The following TAOK3 variants were observed in gnomAD, a reference collection of about 807,000 sequenced individuals.
The protein encoded by TAOK3 is serine/threonine-protein kinase TAO3.
In TAOK3, 40 loss-of-function variants were observed where a neutral mutation model predicts 120.4. The ratio of observed to expected loss-of-function variants is 0.33; its 90% confidence interval spans 0.26 to 0.43. TAOK3 has a LOEUF of 0.43. Ranked by LOEUF, TAOK3 falls within the 20% of genes least tolerant of loss-of-function variation. TAOK3 has a pLI of 1.00. For missense variants in TAOK3, 821 were observed against 1,112.1 expected (o/e 0.74, Z 3.72); for synonymous variants, 355 against 387.5 (o/e 0.92, Z 0.99).
Position 118,254,397 on chromosome 12 carries a change from A to G in TAOK3, c.120+1051T>C, listed in dbSNP as rs529447843. Among the ~76,000 whole-genome samples the G allele has an allele frequency of 3.9e-5, 6 of 152,328 alleles. No homozygotes were observed. In the South Asian group the frequency reaches 1.2e-3, roughly 32 times the overall value. On this transcript the variant is annotated intron_variant, in intron 3 of 20. Transcript: ENST00000392533. ...GGCATATACTAGTTCTTGAGTCTGT[A>G]ACGATGAACAAGATAGACATAAACC...
chr12:118,181,276 T>G lies in TAOK3; in HGVS notation c.1566+95A>C, dbSNP rs1374665542. The G allele has an allele frequency of 1.1e-5, 12 of 1,076,650 alleles. No individual in the cohort carries two copies. In the East Asian group the frequency reaches 2.4e-4, roughly 21 times the overall value. The allele number at this position is 1,076,650 out of a possible 1,614,324, so 66.7% of individuals were successfully genotyped here. ...GCCACCCCGGAAACAACAATTTTCC[T>G]CCATCCCCCACTCCTGCCTCTTGCT... On this transcript the variant is annotated intron_variant, in intron 15 of 20. Transcript: ENST00000392533.
chr12:118,195,091 T>G (rs1443544371), intron 13 of TAOK3, among the ~76,000 whole-genome samples: 1 of 152,116 alleles, frequency 6.6e-6, no homozygotes, highest in Non-Finnish European at 1.5e-5. Context: ...ACACTTATTC[T>G]GTTTTATAGA....
At chr12:118,251,366 T>A (rs1471459275) in intron 3 of TAOK3, among the ~76,000 whole-genome samples, 2 of 152,208 alleles carry the variant, frequency 1.3e-5, no homozygotes, top group African/African-American at 4.8e-5. Flanking sequence ...AGGTTAAAGC[T>A]TTTCGTAAGT....
At chr12:118,341,861 A>G (rs2044633680) in intron 1 of TAOK3, among the ~76,000 whole-genome samples, 1 of 152,138 alleles carries the variant, frequency 6.6e-6, no homozygotes, top group Non-Finnish European at 1.5e-5. Context: ...TAATGTCTAC[A>G]AAAAATTAAA....
chr12:118,298,397 G>T (rs921322739), intron 1 of TAOK3, among the ~76,000 whole-genome samples: 27 of 152,232 alleles, frequency 1.8e-4, no homozygotes, highest in African/African-American at 6.3e-4. Flanking sequence ...GAATTGCAAG[G>T]CTCAAGATGA....
intron 9 of TAOK3, among the ~76,000 whole-genome samples, chr12:118,222,756 G>A (rs1940909147): frequency 2.0e-5 from 3 of 152,044 alleles, no homozygotes; most frequent in Admixed American, 1.3e-4. Context: ...GGGATCTAAT[G>A]GACTTTGGAG....
rs142604971 is a variant in TAOK3, at chr12:118,172,920, TAAC to T, written c.1696-263_1696-261del. ...TTCACTCATTCACTCAACACAAACTTAACAAGCTCCTATCATGTGACAGGCAGT... is the reference window on the plus strand; with the variant it reads ...TTCACTCATTCACTCAACACAAACTTAAGCTCCTATCATGTGACAGGCAGT... On this transcript the variant is annotated intron_variant, in intron 16 of 20. Coordinates refer to ENST00000392533, the MANE Select transcript of TAOK3 (RefSeq NM_016281.4). Among the ~76,000 whole-genome samples the T allele has an allele frequency of 8.8e-3, 1,334 of 152,236 alleles. 12 individuals are homozygous for T. Among genetic ancestry groups the T allele is most frequent in the African/African-American group, 0.029 (1,213 of 41,534 alleles).
At chr12:118,215,759 C>G (rs532911884) in intron 9 of TAOK3, among the ~76,000 whole-genome samples, 80 of 151,990 alleles carry the variant, frequency 5.3e-4, no homozygotes, top group Admixed American at 1.6e-3. Context: ...GAGGACTTGC[C>G]CTGTTGCCCA....
intron 2 of TAOK3, among the ~76,000 whole-genome samples, chr12:118,264,034 C>A (rs2041341834): frequency 6.6e-6 from 1 of 152,204 alleles, no homozygotes; most frequent in Non-Finnish European, 1.5e-5. Context: ...CCATTGCACT[C>A]CAGCCTGGGC....
chr12:118,191,779 T>C (rs2037444735), intron 13 of TAOK3, among the ~76,000 whole-genome samples: 1 of 152,212 alleles, frequency 6.6e-6, no homozygotes. Flanking sequence ...TATTTGCTAA[T>C]AAATTTATGT....
At chr12:118,229,236 G>C (rs986129409) in intron 9 of TAOK3, among the ~76,000 whole-genome samples, 1 of 151,954 alleles carries the variant, frequency 6.6e-6, no homozygotes, top group African/African-American at 2.4e-5. Flanking sequence ...TAGTAGCTGG[G>C]ATTATAGGCG....
chr12:118,332,231 T>G (rs888124588), intron 1 of TAOK3, among the ~76,000 whole-genome samples: 18 of 152,192 alleles, frequency 1.2e-4, no homozygotes, highest in African/African-American at 4.3e-4. Context: ...ACAGATAGTC[T>G]TTATGTATTT....
chr12:118,223,550 G>T (rs1565973700), intron 9 of TAOK3, among the ~76,000 whole-genome samples: 1 of 150,992 alleles, frequency 6.6e-6, no homozygotes, highest in Non-Finnish European at 1.5e-5. Flanking sequence ...GTTTCACCAT[G>T]TTAGCCAGGA....
At chr12:118,322,942 C>A (rs1462086215) in intron 1 of TAOK3, among the ~76,000 whole-genome samples, 2 of 151,678 alleles carry the variant, frequency 1.3e-5, no homozygotes, top group African/African-American at 4.8e-5. Flanking sequence ...GAACTCTTGA[C>A]CTCAGATGAT....
At chr12:118,365,824 A>G (rs1275785051) in intron 1 of TAOK3, among the ~76,000 whole-genome samples, 2 of 152,234 alleles carry the variant, frequency 1.3e-5, no homozygotes. Context: ...CCAAGAGATG[A>G]TGGAGGCATA....
chr12:118,157,410 C>T lies in TAOK3; in HGVS notation c.2352+2736G>A, dbSNP rs189956248. On this transcript the variant is annotated intron_variant, in intron 19 of 20. Coordinates refer to ENST00000392533, the MANE Select transcript of TAOK3 (RefSeq NM_016281.4). ...CCTGAAAGCCCCTACGTGACCCAGC[C>T]TGTTTACCCCTCCAGTCTTGTTCTC... 1.3e-3 allele frequency among the ~76,000 whole-genome samples: 199 copies of T among 152,336 alleles called. 1 individual carries two copies. Among genetic ancestry groups the T allele is most frequent in the African/African-American group, 4.3e-3 (180 of 41,576 alleles).
intron 1 of TAOK3, among the ~76,000 whole-genome samples, chr12:118,277,019 CTG>C (rs1428934204): frequency 6.6e-6 from 1 of 152,178 alleles, no homozygotes; most frequent in Admixed American, 6.6e-5. Context: ...ACAAACAAAA[CTG>C]TAATAAACCT....
chr12:118,218,634 C>G (rs2039061743), intron 9 of TAOK3, among the ~76,000 whole-genome samples: 2 of 151,944 alleles, frequency 1.3e-5, no homozygotes, highest in Non-Finnish European at 2.9e-5. Context: ...ATTTCCTAAA[C>G]AATTTCCTAT....
intron 3 of TAOK3, among the ~76,000 whole-genome samples, chr12:118,252,005 TAG>T (rs1174335415): frequency 1.3e-5 from 2 of 152,036 alleles, no homozygotes; most frequent in African/African-American, 4.8e-5. Context: ...GTATTTTTAG[TAG>T]AGATGGGGTT....
Sources: gnomAD v4.1 joint callset for allele counts (sites outside exome capture counted in the v4.1 genomes callset) on GRCh38, gnomAD v4.1.1 for gene constraint, MANE v1.5 for transcripts, NCBI Gene and HGNC (gene_info 2026-07-23, HGNC 2026-07-21) for gene names.